Variants in UBA1 observed in about 807,000 individuals in gnomAD.
UBA1 encodes the protein ubiquitin-like modifier-activating enzyme 1.
In UBA1, 4 loss-of-function variants were observed where a neutral mutation model predicts 84.7. That is an observed-to-expected ratio of 0.05 (90% confidence interval 0.02 to 0.11). The LOEUF is 0.11. Among genes scored for constraint, UBA1 ranks in the 10% least tolerant of loss-of-function variants. The pLI, the probability that UBA1 is intolerant of heterozygous loss-of-function variation, is 1.00. For missense variants in UBA1, 513 were observed against 902.8 expected, an observed-to-expected ratio of 0.57 and a Z score of 5.53; for synonymous variants, 364 against 362.6, an observed-to-expected ratio of 1.00 and a Z score of -0.04.
Position 47,201,588 on chromosome X carries a change from G to A in UBA1, c.789G>A (p.Gln263=). The A allele has an allele frequency of 8.3e-7, 1 of 1,212,001 alleles. No homozygotes were observed. Among genetic ancestry groups the A allele is most frequent in the Non-Finnish European group, 1.1e-6 (1 of 895,480 alleles). ...VQGMVELNGN[Q]PMEIKVLGPY... ...GCATGGTTGAACTCAACGGAAATCA[G>A]CCCATGGAGATCAAAGTCCTGGGTG... Residue 263 remains glutamine (Q), a synonymous_variant, in exon 8 of 26, where the codon CAG becomes CAA. Coordinates refer to ENST00000335972, the MANE Select transcript of UBA1 (RefSeq NM_003334.4).
Position 47,199,043 on chromosome X carries a change from C to G in UBA1, c.118-5C>G. The G allele has an allele frequency of 1.6e-6, 2 of 1,212,156 alleles. No homozygotes were observed. The highest frequency in any genetic ancestry group is 2.2e-6 in the Non-Finnish European group (2 of 895,475). On this transcript the variant is annotated splice_polypyrimidine_tract_variant and splice_region_variant and intron_variant, in intron 2 of 25. Transcript: ENST00000335972. ...CCTAAACTTGTTCTTTTCCTCTATTCCTAGGGAATGGCCAAGAACGGCAGT... is the reference window on the plus strand; with the variant it reads ...CCTAAACTTGTTCTTTTCCTCTATTGCTAGGGAATGGCCAAGAACGGCAGT...
In UBA1 at chrX:47,199,370, C is replaced by G. The variant is rs782755847; in HGVS notation, c.338C>G (p.Ser113Cys). 7 of 1,212,134 alleles carry G rather than the reference C, an allele frequency of 5.8e-6. No homozygotes were observed. In the South Asian group the frequency reaches 1.2e-4, roughly 21 times the overall value. ...GGCACTGCCCAGTGGGCTGATCTTTCCTCCCAGGTACCTCTTCCTAGCACC... is the reference window on the plus strand; with the variant it reads ...GGCACTGCCCAGTGGGCTGATCTTTGCTCCCAGGTACCTCTTCCTAGCACC... ...DQGTAQWADL[S>C]SQFYLREEDI... Residue 113 changes from serine (S) to cysteine (C), a missense_variant, in exon 4 of 26, where the codon TCC becomes TGC. This residue lies in a region of UBA1 where 227 missense variants were observed against 339.1 expected (regional missense o/e 0.67). Transcript: ENST00000335972.
chrX:47,201,033 T>C, intron 6 of UBA1, 33 bp downstream of exon 6: 2 of 1,110,012 alleles, frequency 1.8e-6, no homozygotes, highest in Admixed American at 2.5e-5. Flanking sequence ...CCCTGTCCCC[T>C]TTTCCCCCAA....
At chrX:47,206,142 C>T (rs368454577) in intron 15 of UBA1, 29 bp downstream of exon 15, 10 of 1,186,838 alleles carry the variant, frequency 8.4e-6, no homozygotes, top group East Asian at 6.2e-5. Flanking sequence ...GAGGTGGTCA[C>T]GGGCAAAGTT....
intron 20 of UBA1, among the ~76,000 whole-genome samples, chrX:47,211,523 TAGG>T (rs1936915482): frequency 9.0e-6 from 1 of 111,486 alleles, no homozygotes; most frequent in South Asian, 3.7e-4. Context: ...TCTGTTCATC[TAGG>T]AGGTATGATC....
chrX:47,203,706 G>T lies in UBA1; in HGVS notation c.1575+10G>T. On this transcript the variant is annotated intron_variant, in intron 14 of 25. Transcript: ENST00000335972. ...GCCCTGGGATGTCACGGTGAGTAGG[G>T]TAGGAGGTTGGGGCTTTGTCGTCTC... The T allele has an allele frequency of 1.7e-6, 2 of 1,204,349 alleles. No homozygotes were observed. Among genetic ancestry groups the T allele is most frequent in the Non-Finnish European group, 2.2e-6 (2 of 891,537 alleles).
At chrX:47,205,422 A>G (rs1374763671) in intron 14 of UBA1, 3 of 341,724 alleles carry the variant, frequency 8.8e-6, no homozygotes, top group Non-Finnish European at 1.8e-5. Context: ...TCCTGTCCAC[A>G]GCTTCCCTTT....
In UBA1 at chrX:47,202,718, C is replaced by T. The variant is rs143935711; in HGVS notation, c.1137C>T (p.Asp379=). The change falls in exon 11 of 26, where the codon GAC becomes GAT. Residue 379 remains aspartate (D), a synonymous_variant. Coordinates refer to ENST00000335972, the MANE Select transcript of UBA1 (RefSeq NM_003334.4). ...CAGCAGTGCAGCAAAATAACCTGGA[C>T]GAGGACCTCATCCGGAAGCTGGCAT... ...ALPAVQQNNL[D]EDLIRKLAYV... The T allele has an allele frequency of 4.6e-4, 558 of 1,210,284 alleles. 6 individuals carry two copies. The Middle Eastern group carries it at 0.024, about 52-fold the overall frequency.
Position 47,202,652 on chromosome X carries a change from A to G in UBA1, c.1071A>G (p.Glu357=). 9 of 1,212,312 alleles carry G rather than the reference A, an allele frequency of 7.4e-6. No individual in the cohort carries two copies. The highest frequency in any genetic ancestry group is 1.0e-5 in the Non-Finnish European group (9 of 895,585). Residue 357 remains glutamate (E), a synonymous_variant, in exon 11 of 26, where the codon GAA becomes GAG. Coordinates refer to ENST00000335972, the MANE Select transcript of UBA1 (RefSeq NM_003334.4). ...TGGCCCACCAGGAGGATGCAGCAGA[A>G]CTGGTAGCCTTAGCACAGGCTGTGA... ...PRPRNEEDAA[E]LVALAQAVNA...
chrX:47,202,927 C>A lies in UBA1; in HGVS notation c.1234-16C>A. On this transcript the variant is annotated splice_polypyrimidine_tract_variant and intron_variant, in intron 11 of 25. Transcript: ENST00000335972. ...GTTAACCACTGACCACCCCCTCTCT[C>A]CCTTCCCCTCTCCAGGCCTGCTCCG... 3 of 1,208,477 alleles carry A rather than the reference C, an allele frequency of 2.5e-6. No homozygotes were observed. The highest frequency in any genetic ancestry group is 3.5e-5 in the African/African-American group (2 of 57,701).
At chrX:47,203,307 G>A (rs988960551) in intron 13 of UBA1, 93 bp downstream of exon 13, 4 of 1,008,940 alleles carry the variant, frequency 4.0e-6, no homozygotes, top group South Asian at 1.9e-5. Context: ...AACCGGTGGC[G>A]CATTCTCTTT....
chrX:47,191,972 A>G (rs991580853), upstream of UBA1, among the ~76,000 whole-genome samples: 4 of 112,125 alleles, frequency 3.6e-5, no homozygotes, highest in Non-Finnish European at 5.6e-5. Flanking sequence ...GATCCTTTCC[A>G]GTTGTGTGAT....
chrX:47,212,962 AC>A (rs782548685), intron 22 of UBA1, 27 bp from the exon 23 acceptor site: 2 of 1,209,287 alleles, frequency 1.7e-6, no homozygotes, highest in South Asian at 1.8e-5. Flanking sequence ...CTTAACTACC[AC>A]CTTCTTTTGT....
chrX:47,199,007 C>T (rs782283923), intron 2 of UBA1, 41 bp from the exon 3 acceptor site: 4 of 1,207,395 alleles, frequency 3.3e-6, no homozygotes, highest in Non-Finnish European at 4.5e-6. Context: ...TGCTCCACTC[C>T]TGTGTGTCTC....
chrX:47,206,872 T>A (rs1936698540), intron 16 of UBA1, among the ~76,000 whole-genome samples: 1 of 111,023 alleles, frequency 9.0e-6, no homozygotes, highest in South Asian at 3.8e-4. Flanking sequence ...CAGGGTTTCT[T>A]AGCTTCAGCA....
chrX:47,214,463 A>AG (rs1491389609), intron 24 of UBA1, 35 bp downstream of exon 24: 1 of 1,199,107 alleles, frequency 8.3e-7, no homozygotes, highest in Non-Finnish European at 1.1e-6. Flanking sequence ...ACCCCACCTC[A>AG]GGGGGCGAGG....
In UBA1 at chrX:47,200,890, A is replaced by G. The variant is rs1556787560; in HGVS notation, c.481-4A>G. 8.4e-7 allele frequency: 1 copy of G among 1,184,158 alleles called. No individual in the cohort carries two copies. The highest frequency in any genetic ancestry group is 1.8e-5 in the African/African-American group (1 of 56,923). On this transcript the variant is annotated splice_polypyrimidine_tract_variant and splice_region_variant and intron_variant, in intron 5 of 25. Transcript: ENST00000335972. Reference sequence around the variant, plus strand: ...GCTGGGCCTGAGCCTCCATCTCTCCACAGGTGGTGGTGCTCACCAACACCC... The same window carrying G: ...GCTGGGCCTGAGCCTCCATCTCTCCGCAGGTGGTGGTGCTCACCAACACCC...
At chrX:47,203,936 CAG>C (rs781923273) in intron 14 of UBA1, among the ~76,000 whole-genome samples, 1 of 108,237 alleles carries the variant, frequency 9.2e-6, no homozygotes, top group East Asian at 2.9e-4. Context: ...TAAGTAGAGA[CAG>C]GGTTTCTCCA....
intron 23 of UBA1, among the ~76,000 whole-genome samples, chrX:47,213,592 G>A (rs1399472699): frequency 8.9e-6 from 1 of 112,358 alleles, no homozygotes; most frequent in African/African-American, 3.2e-5. Flanking sequence ...GAGGCCGGGC[G>A]TGGTGGCTTA....
Sources: gnomAD v4.1 joint callset for allele counts (sites outside exome capture counted in the v4.1 genomes callset) on GRCh38, gnomAD v4.1.1 for gene constraint, gnomAD v4.1.1 regional missense constraint, MANE v1.5 for transcripts, NCBI Gene and HGNC (gene_info 2026-07-23, HGNC 2026-07-21) for gene names.